SLC22A24: variants seen among roughly 807,000 people sequenced by gnomAD.
SLC22A24 encodes the protein solute carrier family 22 member 24.
SLC22A24 carries 53 observed loss-of-function variants against 49.8 expected under a neutral mutation model. The observed-to-expected ratio is 1.06, with a 90% CI of 0.85 to 1.34. The LOEUF is 1.34. Among genes scored for constraint, SLC22A24 ranks in the 40% most tolerant of loss-of-function variants. The probability of loss-of-function intolerance (pLI) is 0.00; values close to 1 mark genes in which losing one functional copy is unlikely to be tolerated. For missense variants in SLC22A24, 786 were observed against 675.9 expected, an observed-to-expected ratio of 1.16 and a Z score of -1.81; for synonymous variants, 302 against 256.4, an observed-to-expected ratio of 1.18 and a Z score of -1.70.
chr11:63,113,217 T>TATATATACATATATATACACAC lies in SLC22A24; in HGVS notation c.830+5694_830+5695insGTGTGTATATATATGTATATAT, dbSNP rs1565332367. Among the ~76,000 whole-genome samples the TATATATACATATATATACACAC allele has an allele frequency of 1.9e-3, 3 of 1,604 alleles. 1 individual carries two copies. Among genetic ancestry groups the TATATATACATATATATACACAC allele is most frequent in the African/African-American group, 2.3e-3 (3 of 1,288 alleles). 1.1% of individuals were successfully genotyped at this position (1,604 alleles called of 152,430 possible). ...ATATATATATACATATATATACACA[T>TATATATACATATATATACACAC]ATATATATATACATATATATATATA... On this transcript the variant is annotated intron_variant, in intron 4 of 9. Coordinates refer to ENST00000612278, the MANE Select transcript of SLC22A24 (RefSeq NM_001136506.2).
intron 5 of SLC22A24, among the ~76,000 whole-genome samples, chr11:63,100,206 A>G (rs1437049979): frequency 6.6e-6 from 1 of 152,186 alleles, no homozygotes; most frequent in Non-Finnish European, 1.5e-5. Flanking sequence ...ATGAGCTGAT[A>G]AACAAATTTA....
chr11:63,109,074 C>T (rs1428846395), intron 4 of SLC22A24, among the ~76,000 whole-genome samples: 1 of 148,046 alleles, frequency 6.8e-6, no homozygotes, highest in Non-Finnish European at 1.5e-5. Context: ...TCAGTTCCCA[C>T]CTATGAGTGA....
At chr11:63,137,627 G>A (rs2087384820) in intron 1 of SLC22A24, among the ~76,000 whole-genome samples, 1 of 152,162 alleles carries the variant, frequency 6.6e-6, no homozygotes, top group Admixed American at 6.5e-5. Context: ...GGTGACTAAT[G>A]TCTGTTTTGT....
chr11:63,083,847 G>A (rs760871202), intron 6 of SLC22A24, among the ~76,000 whole-genome samples: 5 of 152,190 alleles, frequency 3.3e-5, no homozygotes, highest in Non-Finnish European at 7.4e-5. Flanking sequence ...GGTAGGGTTA[G>A]ATGATGGAAA....
intron 5 of SLC22A24, among the ~76,000 whole-genome samples, chr11:63,098,141 A>C (rs780539150): frequency 1.3e-5 from 2 of 152,174 alleles, no homozygotes; most frequent in Non-Finnish European, 2.9e-5. Context: ...ACCACAGTGG[A>C]ATAAAACTAG....
intron 4 of SLC22A24, among the ~76,000 whole-genome samples, chr11:63,113,035 A>T (rs11525462): frequency 0.062 from 934 of 15,106 alleles, 200 homozygotes; most frequent in African/African-American, 0.23. Flanking sequence ...AAAAAAAAAA[A>T]ATATATATAT....
At chr11:63,115,965 C>T in intron 4 of SLC22A24, 9 of 320,334 alleles carry the variant, frequency 2.8e-5, no homozygotes, top group Non-Finnish European at 5.3e-5. Context: ...CTTGGTTTGA[C>T]CCTTGGCCTT....
intron 6 of SLC22A24, among the ~76,000 whole-genome samples, chr11:63,088,362 C>T (rs944304763): frequency 2.4e-5 from 1 of 41,898 alleles, no homozygotes; most frequent in Non-Finnish European, 5.7e-5. Context: ...AAGTAACAAA[C>T]AGAAAGCTAC....
chr11:63,101,021 C>T (rs2087087425), intron 5 of SLC22A24, among the ~76,000 whole-genome samples: 1 of 152,054 alleles, frequency 6.6e-6, no homozygotes, highest in Non-Finnish European at 1.5e-5. Context: ...AGCAGAAGCA[C>T]AGGCAGACAA....
chr11:63,137,348 GA>G (rs1407987736), intron 1 of SLC22A24, among the ~76,000 whole-genome samples: 5 of 152,274 alleles, frequency 3.3e-5, no homozygotes, highest in African/African-American at 1.2e-4. Context: ...TTGTATATGT[GA>G]AAGGGATCTC....
intron 4 of SLC22A24, among the ~76,000 whole-genome samples, chr11:63,106,513 C>T (rs2087122745): frequency 6.6e-6 from 1 of 152,192 alleles, no homozygotes; most frequent in African/African-American, 2.4e-5. Context: ...ACCACACTGA[C>T]TTCCACAATG....
At chr11:63,099,636 G>C (rs184252821) in intron 5 of SLC22A24, among the ~76,000 whole-genome samples, 4 of 151,984 alleles carry the variant, frequency 2.6e-5, no homozygotes, top group Non-Finnish European at 4.4e-5. Context: ...GAAAACTACA[G>C]GTTAATATCC....
At chr11:63,089,942 G>A (rs940305651) in intron 6 of SLC22A24, among the ~76,000 whole-genome samples, 1 of 151,712 alleles carries the variant, frequency 6.6e-6, no homozygotes, top group Non-Finnish European at 1.5e-5. Flanking sequence ...TTAGCCAGGC[G>A]TGGTGGTGGG....
At chr11:63,124,772 C>T in intron 2 of SLC22A24, among the ~76,000 whole-genome samples, 1 of 151,982 alleles carries the variant, frequency 6.6e-6, no homozygotes, top group East Asian at 1.9e-4. Flanking sequence ...ACTATGCAGC[C>T]ATAAAAAATG....
chr11:63,087,908 G>GT (rs2086997194), intron 6 of SLC22A24, among the ~76,000 whole-genome samples: 2 of 152,184 alleles, frequency 1.3e-5, no homozygotes. Context: ...AACAGCCCCA[G>GT]TAAGAGGTTT....
At chr11:63,086,808 C>G (rs929223507) in intron 6 of SLC22A24, among the ~76,000 whole-genome samples, 8 of 151,986 alleles carry the variant, frequency 5.3e-5, no homozygotes, top group Admixed American at 6.6e-5. Flanking sequence ...TATGAATATG[C>G]TAATTTGTCT....
intron 1 of SLC22A24, 65 bp from the exon 2 acceptor site, chr11:63,134,833 A>C (rs1333411717): frequency 1.4e-5 from 15 of 1,085,222 alleles, no homozygotes; most frequent in Non-Finnish European, 1.9e-5. Flanking sequence ...GTAGAAACTG[A>C]CTCCAAACTC....
rs182883274 is a variant in SLC22A24 at position 63,104,050 on chromosome 11, C to T, written c.954+125G>A. 42 of 845,108 alleles carry T rather than the reference C, an allele frequency of 5.0e-5. No homozygotes were observed. The East Asian group carries it at 9.0e-4, about 18-fold the overall frequency. The allele number at this position is 845,108 out of a possible 1,614,324, so 52.4% of individuals were successfully genotyped here. On this transcript the variant is annotated intron_variant, in intron 5 of 9. Transcript: ENST00000612278. ...AGGAGGAAAGATATATATATTTTAT[C>T]AGGACAGAGATGTAAGACTCCACTC...
chr11:63,133,327 C>A (rs759168583), intron 2 of SLC22A24, among the ~76,000 whole-genome samples: 2 of 152,208 alleles, frequency 1.3e-5, no homozygotes, highest in Non-Finnish European at 2.9e-5. Context: ...CACCCACTGT[C>A]CAACCAGTCC....
Sources: allele counts gnomAD v4.1 joint callset (sites outside exome capture counted in the v4.1 genomes callset), GRCh38; gene constraint gnomAD v4.1.1; transcripts MANE v1.5; gene names NCBI Gene and HGNC (gene_info 2026-07-23, HGNC 2026-07-21).